CAPSL: variants seen among roughly 807,000 people sequenced by gnomAD.
CAPSL encodes the protein calcyphosine like.
Under a neutral mutation model 21.3 loss-of-function variants are expected in CAPSL, and 17 were observed. That is an observed-to-expected ratio of 0.80 (90% confidence interval 0.55 to 1.20). CAPSL has a LOEUF of 1.20. CAPSL is among the 50% of genes most tolerant of loss of function. The pLI, the probability that CAPSL is intolerant of heterozygous loss-of-function variation, is 0.00. For synonymous variants in CAPSL, 102 were observed against 89.3 expected, an observed-to-expected ratio of 1.14 and a Z score of -0.80; for missense variants, 289 against 259.3, an observed-to-expected ratio of 1.11 and a Z score of -0.79.
chr5:35,937,490 G>A (rs1738981208), intron 1 of CAPSL, among the ~76,000 whole-genome samples: 1 of 152,070 alleles, frequency 6.6e-6, no homozygotes, highest in Non-Finnish European at 1.5e-5. Context: ...TCTTTTTCCT[G>A]TTGGCCCAGA....
At chr5:35,925,504 G>A (rs1470211574) in intron 1 of CAPSL, among the ~76,000 whole-genome samples, 2 of 152,120 alleles carry the variant, frequency 1.3e-5, no homozygotes, top group African/African-American at 4.8e-5. Context: ...GTGGCAGGGG[G>A]AGATGAACAG....
chr5:35,906,002 C>T (rs1046014084), intron 4 of CAPSL, among the ~76,000 whole-genome samples: 1 of 152,316 alleles, frequency 6.6e-6, no homozygotes, highest in Admixed American at 6.5e-5. Flanking sequence ...AAGATAAAGT[C>T]TCAGTCCTCA....
intron 2 of CAPSL, among the ~76,000 whole-genome samples, chr5:35,917,847 C>G (rs956286433): frequency 1.3e-5 from 2 of 151,900 alleles, no homozygotes; most frequent in Non-Finnish European, 2.9e-5. Context: ...GCACGTGTAT[C>G]CTAAAACTTA....
chr5:35,913,562 A>C (rs6878577), intron 2 of CAPSL, among the ~76,000 whole-genome samples: 2 of 151,906 alleles, frequency 1.3e-5, no homozygotes, highest in African/African-American at 2.4e-5. Flanking sequence ...TCAACATTCT[A>C]AAAGAAAAGA....
At chr5:35,922,968 C>G (rs1323797771) in intron 1 of CAPSL, among the ~76,000 whole-genome samples, 2 of 152,144 alleles carry the variant, frequency 1.3e-5, no homozygotes, top group African/African-American at 4.8e-5. Context: ...GGCATGCGCC[C>G]CATCCCCACC....
intron 2 of CAPSL, among the ~76,000 whole-genome samples, chr5:35,913,438 T>G (rs558817971): frequency 6.6e-6 from 1 of 151,540 alleles, no homozygotes; most frequent in African/African-American, 2.4e-5. Flanking sequence ...AAGGAAAAAA[T>G]GTTAAGGGCA....
chr5:35,915,890 T>C (rs1738372383), intron 2 of CAPSL, among the ~76,000 whole-genome samples: 1 of 152,108 alleles, frequency 6.6e-6, no homozygotes, highest in Admixed American at 6.5e-5. Flanking sequence ...AGGAAACAAA[T>C]GGTATTCAAT....
At chr5:35,934,793 T>C (rs1738903102) in intron 1 of CAPSL, among the ~76,000 whole-genome samples, 1 of 152,208 alleles carries the variant, frequency 6.6e-6, no homozygotes. Flanking sequence ...ATATTCCTTA[T>C]TCCTACCCAC....
chr5:35,921,046 G>A lies in CAPSL; in HGVS notation c.75C>T (p.Pro25=). 6.2e-7 allele frequency: 1 copy of A among 1,614,094 alleles called. No homozygotes were observed. The highest frequency in any genetic ancestry group is 8.5e-7 in the Non-Finnish European group (1 of 1,180,020). ...GGCACTGCAGTCGGAGTCTTTCAAT[G>A]GGGTCGGTGGCCGTGGTGAGCTTTT... The part of the protein sequence containing the change: ...AKKKLTTATD[P]IERLRLQCLA... Residue 25 remains proline (P), a synonymous_variant, in exon 2 of 5, where the codon CCC becomes CCT. Coordinates refer to ENST00000651391, the MANE Select transcript of CAPSL (RefSeq NM_001042625.2).
chr5:35,912,337 C>G (rs1308261277), intron 2 of CAPSL, among the ~76,000 whole-genome samples: 1 of 152,194 alleles, frequency 6.6e-6, no homozygotes, highest in Non-Finnish European at 1.5e-5. Context: ...TTAAATGTCC[C>G]TGTCTGACAA....
intron 2 of CAPSL, among the ~76,000 whole-genome samples, chr5:35,915,814 G>A (rs907168095): frequency 3.3e-5 from 5 of 152,180 alleles, no homozygotes; most frequent in Non-Finnish European, 5.9e-5. Flanking sequence ...AGACAGGGAT[G>A]CCCTCTCTCA....
rs1017234430 is a variant in CAPSL at position 35,938,554 on chromosome 5, C to G, written c.-14G>C. 2 of 153,124 alleles carry G rather than the reference C, an allele frequency of 1.3e-5. No homozygotes were observed. The highest frequency in any genetic ancestry group is 2.1e-4 in the South Asian group (1 of 4,814). The allele number at this position is 153,124 out of a possible 1,614,324, so 9.5% of individuals were successfully genotyped here. Reference sequence around the variant, plus strand: ...ACATTGATTTACCTTAAATGCTAACCTTTTGCCACCAGTTGCTTCGAACTG... The same window carrying G: ...ACATTGATTTACCTTAAATGCTAACGTTTTGCCACCAGTTGCTTCGAACTG... On this transcript the variant is annotated 5_prime_UTR_variant, in exon 1 of 5. Transcript: ENST00000651391.
chr5:35,910,131 G>T, intron 3 of CAPSL, 56 bp from the exon 4 acceptor site: 1 of 1,409,288 alleles, frequency 7.1e-7, no homozygotes, highest in Middle Eastern at 1.8e-4. Context: ...AGCTTTTTTG[G>T]TATCCTATGT....
chr5:35,919,191 A>ATATATATATATATATAT (rs1561439733), intron 2 of CAPSL, among the ~76,000 whole-genome samples: 2 of 107,450 alleles, frequency 1.9e-5, no homozygotes, highest in African/African-American at 6.5e-5. Flanking sequence ...ATATATATAT[A>ATATATATATATATATAT]AAAATTGTGA....
At chr5:35,919,128 ATATTCACTGGTTAGCTAGTAT>A (rs1197535368) in intron 2 of CAPSL, among the ~76,000 whole-genome samples, 2 of 146,218 alleles carry the variant, frequency 1.4e-5, no homozygotes, top group Admixed American at 1.4e-4. Context: ...CTATATAGAG[ATATTCACTGGTTAGCTAGTAT>A]CTTTCCTGAT....
At chr5:35,919,422 CA>C (rs1194023035) in intron 2 of CAPSL, among the ~76,000 whole-genome samples, 6 of 151,960 alleles carry the variant, frequency 3.9e-5, no homozygotes, top group Admixed American at 6.6e-5. Context: ...AATTTCATGT[CA>C]AAAAATGAAG....
intron 1 of CAPSL, among the ~76,000 whole-genome samples, chr5:35,936,800 C>T (rs1383278821): frequency 6.6e-6 from 1 of 152,160 alleles, no homozygotes; most frequent in East Asian, 1.9e-4. Context: ...AGTCATATCC[C>T]CTGATACAAT....
chr5:35,916,681 G>T (rs1738395465), intron 2 of CAPSL, among the ~76,000 whole-genome samples: 1 of 152,174 alleles, frequency 6.6e-6, no homozygotes, highest in African/African-American at 2.4e-5. Flanking sequence ...GCTGAAACTG[G>T]ATCCCTTCCT....
intron 1 of CAPSL, among the ~76,000 whole-genome samples, chr5:35,935,803 C>T (rs192389725): frequency 2.0e-5 from 3 of 152,254 alleles, no homozygotes; most frequent in Admixed American, 1.3e-4. Flanking sequence ...CCATTTTACA[C>T]ACTCTGCGCA....
Sources: gnomAD v4.1 joint callset for allele counts (sites outside exome capture counted in the v4.1 genomes callset) on GRCh38, gnomAD v4.1.1 for gene constraint, MANE v1.5 for transcripts, NCBI Gene and HGNC (gene_info 2026-07-23, HGNC 2026-07-21) for gene names.